The following TRAF3 variants were observed in gnomAD, a reference collection of about 807,000 sequenced individuals.
TRAF3 encodes the protein TNF receptor associated factor 3.
TRAF3 carries 13 observed loss-of-function variants against 62.3 expected under a neutral mutation model. That is an observed-to-expected ratio of 0.21 (90% CI 0.14 to 0.33). The LOEUF is 0.33. TRAF3 is among the 10% of genes least tolerant of loss of function. The pLI is 1.00. For missense variants in TRAF3, 440 were observed against 741.8 expected, an observed-to-expected ratio of 0.59 and a Z score of 4.73; for synonymous variants, 269 against 283.4, an observed-to-expected ratio of 0.95 and a Z score of 0.51.
chr14:102,868,028 C>T (rs1321327653), intron 2 of TRAF3, among the ~76,000 whole-genome samples: 3 of 152,204 alleles, frequency 2.0e-5, no homozygotes, highest in African/African-American at 4.8e-5. Flanking sequence ...GCAGCAAGAA[C>T]GGGGCTCGGA....
chr14:102,783,724 G>A (rs192102751), intron 1 of TRAF3, among the ~76,000 whole-genome samples: 1 of 152,266 alleles, frequency 6.6e-6, no homozygotes, highest in Admixed American at 6.5e-5. Context: ...GTGTATCCCT[G>A]GAGCTGTCCA....
chr14:102,841,117 A>G (rs1441073549), intron 2 of TRAF3, among the ~76,000 whole-genome samples: 2 of 152,218 alleles, frequency 1.3e-5, no homozygotes, highest in Admixed American at 6.5e-5. Flanking sequence ...GGCAGTTTCC[A>G]TGTTTCAGGG....
chr14:102,873,108 T>TG (rs1491517209), intron 4 of TRAF3, among the ~76,000 whole-genome samples: 1 of 152,236 alleles, frequency 6.6e-6, no homozygotes, highest in Non-Finnish European at 1.5e-5. Flanking sequence ...ATTCTTACTC[T>TG]GGGGTTTTCC....
In TRAF3 at chr14:102,903,822, C is replaced by G. The variant is rs755929299; in HGVS notation, c.1135+393C>G. The G allele has an allele frequency of 2.1e-6, 1 of 472,130 alleles. No homozygotes were observed. The highest frequency in any genetic ancestry group is 4.2e-6 in the Non-Finnish European group (1 of 237,616). The allele number at this position is 472,130 out of a possible 1,614,324, so 29.2% of individuals were successfully genotyped here. A position where few individuals can be genotyped will look rare whatever the true frequency, so the allele number is the denominator to read the frequency against. On this transcript the variant is annotated intron_variant, in intron 11 of 11. Transcript: ENST00000392745. The surrounding 1 kb of genome is among the most constrained non-coding windows in gnomAD (Gnocchi z 6.4). ...TCCTAAGGGCCAGGGGGCAGCAGTC[C>G]CACCGCGCTCTGCCAGCATGTTTCT...
At chr14:102,820,900 G>C (rs771889457) in intron 1 of TRAF3, among the ~76,000 whole-genome samples, 26 of 151,844 alleles carry the variant, frequency 1.7e-4, no homozygotes, top group Middle Eastern at 3.4e-3. Context: ...CTCCCAAAGT[G>C]CTGAGATTAC....
At chr14:102,869,804 T>TA (rs1168298718) in intron 2 of TRAF3, among the ~76,000 whole-genome samples, 12,825 of 132,900 alleles carry the variant, frequency 0.097, 1,378 homozygotes, top group African/African-American at 0.28. Flanking sequence ...AGACTCCGTC[T>TA]AAAAAAAAAA....
In TRAF3 at chr14:102,900,179, G is replaced by GAAAAAAA. The variant is rs1566807952; in HGVS notation, c.960+2778_960+2779insAAAAAAA. On this transcript the variant is annotated intron_variant, in intron 10 of 11. Transcript: ENST00000392745. ...GGGAGAAAGAGCAAGACTCCGTCTC[G>GAAAAAAA]GAAAAAAAAAAAAAAAAAAAAAAAG... Among the ~76,000 whole-genome samples, 20 of 83,744 alleles carry GAAAAAAA rather than the reference G, an allele frequency of 2.4e-4. 3 individuals carry two copies. The highest frequency in any genetic ancestry group is 6.8e-3 in the Middle Eastern group (1 of 148). The allele number at this position is 83,744 out of a possible 152,430, so 54.9% of individuals were successfully genotyped here.
At chr14:102,861,632 T>C (rs1887684419) in intron 2 of TRAF3, among the ~76,000 whole-genome samples, 1 of 152,122 alleles carries the variant, frequency 6.6e-6, no homozygotes, top group Non-Finnish European at 1.5e-5. Flanking sequence ...CAGGAAGATG[T>C]TACCGGAAAG....
intron 6 of TRAF3, among the ~76,000 whole-genome samples, chr14:102,878,086 A>G (rs1032731140): frequency 2.6e-5 from 4 of 152,322 alleles, no homozygotes; most frequent in African/African-American, 4.8e-5. Flanking sequence ...TTGATTGACT[A>G]TCATTTAGTA....
At chr14:102,898,636 G>A (rs968880127) in intron 10 of TRAF3, among the ~76,000 whole-genome samples, 34 of 152,212 alleles carry the variant, frequency 2.2e-4, no homozygotes, top group African/African-American at 6.5e-4. Context: ...CACAACAGAA[G>A]GAAGAATGCA....
At chr14:102,785,120 T>A (rs188523235) in intron 1 of TRAF3, among the ~76,000 whole-genome samples, 1 of 152,352 alleles carries the variant, frequency 6.6e-6, no homozygotes, top group Non-Finnish European at 1.5e-5. Flanking sequence ...GATTCTAAAC[T>A]TCTTAGTTTT....
Position 102,870,625 on chromosome 14 carries a change from G to A in TRAF3, c.245+179G>A, listed in dbSNP as rs75649633. ...GAGGTGCAGTGGGATCCCACGTGTG[G>A]GTTTACTGAGGCCTCTGCGTGTCTC... is the stretch of plus-strand genomic sequence containing the variant. On this transcript the variant is annotated intron_variant, in intron 3 of 11. Coordinates refer to ENST00000392745, the MANE Select transcript of TRAF3 (RefSeq NM_145725.3). 6.2e-3 allele frequency among the ~76,000 whole-genome samples: 951 copies of A among 152,264 alleles called. 11 individuals carry two copies. Among genetic ancestry groups the A allele is most frequent in the African/African-American group, 0.022 (904 of 41,554 alleles).
intron 7 of TRAF3, among the ~76,000 whole-genome samples, chr14:102,889,039 G>GA (rs1338691921): frequency 2.0e-5 from 3 of 152,170 alleles, no homozygotes; most frequent in Non-Finnish European, 1.5e-5. Context: ...CTTACAGAGG[G>GA]AAAAAGTCTT....
intron 2 of TRAF3, among the ~76,000 whole-genome samples, chr14:102,850,951 C>G (rs561854897): frequency 6.6e-6 from 1 of 152,138 alleles, no homozygotes; most frequent in South Asian, 2.1e-4. Flanking sequence ...AGGCAGTGGG[C>G]TATTAAATAG....
intron 1 of TRAF3, among the ~76,000 whole-genome samples, chr14:102,813,292 C>T (rs1024470993): frequency 6.6e-6 from 1 of 151,770 alleles, no homozygotes; most frequent in Non-Finnish European, 1.5e-5. Flanking sequence ...TTGATAATAG[C>T]CATTCTAACT....
chr14:102,870,242 A>C lies in TRAF3; in HGVS notation c.41A>C (p.Gln14Pro), dbSNP rs896716603. 10 of 1,614,000 alleles carry C rather than the reference A, an allele frequency of 6.2e-6. No individual in the cohort carries two copies. Among genetic ancestry groups the C allele is most frequent in the African/African-American group, 4.0e-5 (3 of 74,914 alleles). The change falls in exon 3 of 12, where the codon CAG becomes CCG. Residue 14 changes from glutamine to proline, a missense_variant. This residue lies in a region of TRAF3 where 40 missense variants were observed against 38.3 expected (regional missense o/e 1.05). Transcript: ENST00000392745. Reference sequence around the variant, plus strand: ...AAGATGGACTCTCCTGGCGCGCTGCAGACTAACCCGCCGCTAAAGCTGCAC... The same window carrying C: ...AAGATGGACTCTCCTGGCGCGCTGCCGACTAACCCGCCGCTAAAGCTGCAC... Reference protein sequence around the residue: ...SKKMDSPGALQTNPPLKLHTD... With the variant: ...SKKMDSPGALPTNPPLKLHTD...
chr14:102,802,139 A>G (rs1898469065), intron 1 of TRAF3, among the ~76,000 whole-genome samples: 1 of 143,888 alleles, frequency 6.9e-6, no homozygotes, highest in African/African-American at 2.6e-5. Flanking sequence ...GGCATGAGCC[A>G]TTGCACCTGG....
At chr14:102,827,275 C>T (rs1010552474) in intron 1 of TRAF3, among the ~76,000 whole-genome samples, 5 of 152,242 alleles carry the variant, frequency 3.3e-5, no homozygotes, top group Non-Finnish European at 4.4e-5. Context: ...GACTCTTCCT[C>T]CTAGAGCACC....
chr14:102,790,175 A>G (rs1343455338), intron 1 of TRAF3, among the ~76,000 whole-genome samples: 6 of 151,996 alleles, frequency 3.9e-5, no homozygotes, highest in South Asian at 2.1e-4. Context: ...TTTTTGATCC[A>G]TTTCAGTTAA....
Sources: gnomAD v4.1 joint callset for allele counts (sites outside exome capture counted in the v4.1 genomes callset) on GRCh38, gnomAD v4.1.1 for gene constraint, gnomAD v4.1.1 regional missense constraint, Gnocchi (gnomAD v3.1) non-coding constraint, MANE v1.5 for transcripts, NCBI Gene and HGNC (gene_info 2026-07-23, HGNC 2026-07-21) for gene names.